Variants in SNX29 observed in about 807,000 individuals in gnomAD.
The protein encoded by SNX29 is sorting nexin 29, also known as sorting nexin-29.
In SNX29, 78 loss-of-function variants were observed where a neutral mutation model predicts 102.1. That is an observed-to-expected ratio of 0.76 (90% CI 0.64 to 0.92). The LOEUF (loss-of-function observed/expected upper bound fraction) is 0.92. SNX29 is among the 40% of genes least tolerant of loss of function. The probability of loss-of-function intolerance (pLI) is 0.00; values close to 1 mark genes in which losing one functional copy is unlikely to be tolerated. For synonymous variants in SNX29, 580 were observed against 414.5 expected (o/e 1.40, Z -4.85); for missense variants, 1,280 against 1,061.7 (o/e 1.21, Z -2.86).
At chr16:11,999,950 C>T (rs1226404026) in intron 2 of SNX29, among the ~76,000 whole-genome samples, 2 of 151,496 alleles carry the variant, frequency 1.3e-5, no homozygotes, top group African/African-American at 4.8e-5. Context: ...CTCATTGTCT[C>T]ATTTCCAAGC....
chr16:12,433,266 C>A (rs1252578586), intron 18 of SNX29, among the ~76,000 whole-genome samples: 2 of 152,130 alleles, frequency 1.3e-5, no homozygotes, highest in East Asian at 3.9e-4. Flanking sequence ...ATGTAACGAG[C>A]CTTCTTCCTC....
chr16:12,325,106 T>A (rs2081076696), intron 15 of SNX29, among the ~76,000 whole-genome samples: 1 of 152,166 alleles, frequency 6.6e-6, no homozygotes, highest in African/African-American at 2.4e-5. Flanking sequence ...TTGCAAAATT[T>A]TGCCCTTCGC....
In SNX29 at chr16:12,126,946, A is replaced by G. The variant is rs528273928; in HGVS notation, c.1466+250A>G. On this transcript the variant is annotated intron_variant, in intron 12 of 20. Transcript: ENST00000566228. ...TCATAGAACAAGCTAAGAATTTGGTAGAGTGATCATTAATTCTTTTTTAAA... is the reference window on the plus strand; with the variant it reads ...TCATAGAACAAGCTAAGAATTTGGTGGAGTGATCATTAATTCTTTTTTAAA... 3.9e-5 allele frequency among the ~76,000 whole-genome samples: 6 copies of G among 152,356 alleles called. No homozygotes were observed. In the South Asian group the frequency reaches 8.3e-4, roughly 21 times the overall value.
At chr16:12,060,657 C>T (rs184352080) in intron 8 of SNX29, among the ~76,000 whole-genome samples, 72 of 152,228 alleles carry the variant, frequency 4.7e-4, no homozygotes, top group African/African-American at 1.7e-3. Flanking sequence ...TTTTTTGAAA[C>T]GGTTGATACA....
intron 20 of SNX29, among the ~76,000 whole-genome samples, chr16:12,556,931 C>T (rs376414312): frequency 1.5e-5 from 1 of 68,030 alleles, no homozygotes. Flanking sequence ...CGGCTCACTA[C>T]AGCCTCTGCC....
intron 14 of SNX29, among the ~76,000 whole-genome samples, chr16:12,254,734 G>A (rs977858811): frequency 6.6e-6 from 1 of 152,170 alleles, no homozygotes; most frequent in African/African-American, 2.4e-5. Context: ...TTGCAGGAGG[G>A]GAGAGCCCAG....
At chr16:12,262,038 G>C (rs370775247) in intron 14 of SNX29, among the ~76,000 whole-genome samples, 1 of 141,720 alleles carries the variant, frequency 7.1e-6, no homozygotes, top group Non-Finnish European at 1.5e-5. Context: ...CTGTGTGCAC[G>C]TCCCCGGCTG....
intron 9 of SNX29, among the ~76,000 whole-genome samples, chr16:12,065,567 T>G: frequency 6.6e-6 from 1 of 152,212 alleles, no homozygotes; most frequent in East Asian, 1.9e-4. Flanking sequence ...CGTTGGATCT[T>G]GGAAGTTGTT....
At chr16:12,193,175 C>A (rs1042116838) in intron 13 of SNX29, among the ~76,000 whole-genome samples, 1 of 152,188 alleles carries the variant, frequency 6.6e-6, no homozygotes, top group Non-Finnish European at 1.5e-5. Context: ...CAAGTTGTTG[C>A]ATGTATCAAT....
intron 1 of SNX29, among the ~76,000 whole-genome samples, chr16:11,997,850 A>G (rs898538937): frequency 6.6e-6 from 1 of 152,186 alleles, no homozygotes; most frequent in Non-Finnish European, 1.5e-5. Flanking sequence ...CTCAGCTCTT[A>G]AAACATTGCC....
At chr16:12,287,236 G>C (rs1683200140) in intron 15 of SNX29, among the ~76,000 whole-genome samples, 2 of 152,196 alleles carry the variant, frequency 1.3e-5, no homozygotes. Context: ...GAGATGAGGA[G>C]GTGTGACCAC....
At chr16:12,392,633 A>G (rs550582956) in intron 16 of SNX29, among the ~76,000 whole-genome samples, 6 of 152,218 alleles carry the variant, frequency 3.9e-5, no homozygotes, top group East Asian at 1.9e-4. Context: ...GTGATAGTCT[A>G]TGTTTGTGTG....
chr16:12,395,945 T>G (rs1597224181), intron 16 of SNX29, among the ~76,000 whole-genome samples: 1 of 152,348 alleles, frequency 6.6e-6, no homozygotes, highest in East Asian at 1.9e-4. Flanking sequence ...CTACAGTGCC[T>G]GGCCTTGTTA....
chr16:12,563,108 A>G (rs1202845092), intron 20 of SNX29, among the ~76,000 whole-genome samples: 2 of 95,362 alleles, frequency 2.1e-5, no homozygotes, highest in Non-Finnish European at 3.0e-5. Context: ...GCACGCTAAC[A>G]ACAGAGCCTA....
chr16:12,259,709 A>G (rs907921489), intron 14 of SNX29, among the ~76,000 whole-genome samples: 3 of 152,212 alleles, frequency 2.0e-5, no homozygotes, highest in African/African-American at 7.2e-5. Flanking sequence ...GATAGTTATT[A>G]AAATGCAGAT....
intron 1 of SNX29, among the ~76,000 whole-genome samples, chr16:11,980,370 T>C (rs2055387823): frequency 6.6e-6 from 1 of 152,230 alleles, no homozygotes; most frequent in Non-Finnish European, 1.5e-5. Flanking sequence ...CCACATTATA[T>C]TCCTTTATGT....
rs545280728 is a variant in SNX29, at chr16:12,417,286, G to A, written c.2037+13757G>A. Among the ~76,000 whole-genome samples the A allele has an allele frequency of 2.0e-5, 3 of 152,354 alleles. No homozygotes were observed. The East Asian group carries it at 5.8e-4, about 29-fold the overall frequency. ...CCTCTTGGCACACTGGGCTTCCTGT[G>A]TTCAGCATCTAGAGTGCTCTGGTTC... On this transcript the variant is annotated intron_variant, in intron 18 of 20. Transcript: ENST00000566228.
At chr16:12,553,702 C>A (rs115959104) in intron 20 of SNX29, among the ~76,000 whole-genome samples, 2,326 of 150,390 alleles carry the variant, frequency 0.015, 54 homozygotes, top group African/African-American at 0.053. Context: ...ACAATTCTGC[C>A]TCAGCCTACC....
At chr16:12,556,858 ATTT>A (rs923109471) in intron 20 of SNX29, among the ~76,000 whole-genome samples, 2 of 148,782 alleles carry the variant, frequency 1.3e-5, no homozygotes, top group Non-Finnish European at 3.0e-5. Flanking sequence ...AAAAAATTGA[ATTT>A]TTTTTTTTTG....
Sources: allele counts gnomAD v4.1 joint callset (sites outside exome capture counted in the v4.1 genomes callset), GRCh38; gene constraint gnomAD v4.1.1; transcripts MANE v1.5; gene names NCBI Gene and HGNC (gene_info 2026-07-23, HGNC 2026-07-21).